ANKS3: variants seen among roughly 807,000 people sequenced by gnomAD.
ANKS3 encodes ankyrin repeat and SAM domain-containing protein 3.
A neutral mutation model predicts 80.7 loss-of-function variants in ANKS3; 62 were observed. That is an observed-to-expected ratio of 0.77 (90% CI 0.63 to 0.95). The LOEUF (loss-of-function observed/expected upper bound fraction) is 0.95, where lower values mean the gene tolerates loss of function less well. Among genes scored for constraint, ANKS3 ranks in the 40% least tolerant of loss-of-function variants. The pLI is 0.00. For missense variants in ANKS3, 1,150 were observed against 883.6 expected, an observed-to-expected ratio of 1.30 and a Z score of -3.82; for synonymous variants, 489 against 355.3, an observed-to-expected ratio of 1.38 and a Z score of -4.23.
rs201518736 is a variant in ANKS3 at position 4,701,065 on chromosome 16, C to G, written c.1189G>C (p.Asp397His). 2 of 1,613,990 alleles carry G rather than the reference C, an allele frequency of 1.2e-6. No individual in the cohort carries two copies. Among genetic ancestry groups the G allele is most frequent in the African/African-American group, 2.7e-5 (2 of 74,934 alleles). ...AKSYMKTKNP[D>H]SQWPPRAATD... Reference sequence around the variant, plus strand: ...GCAGCGCGGGGAGGCCACTGGCTGTCAGGATTCTTGGTCTTCATGTAACTT... The same window carrying G: ...GCAGCGCGGGGAGGCCACTGGCTGTGAGGATTCTTGGTCTTCATGTAACTT... Residue 397 changes from aspartate (D) to histidine (H), a missense_variant, in exon 11 of 18, where the codon GAC becomes CAC. By Grantham distance (81) the Asp-to-His change is moderately conservative. Coordinates refer to ENST00000304283, the MANE Select transcript of ANKS3 (RefSeq NM_133450.4).
At position 4,721,173 on chromosome 16, in the gene ANKS3, C is replaced by T. The variant is rs1422066873; in HGVS notation, c.573+3577G>A. ...ATGAAAAATTAGCTGGGCATGGTGG[C>T]GGGCGCCTGTGGTCCCAGCTACTCG... On this transcript the variant is annotated intron_variant, in intron 6 of 17. Transcript: ENST00000304283. Among the ~76,000 whole-genome samples the T allele has an allele frequency of 8.6e-5, 13 of 150,454 alleles. 1 individual carries two copies. The highest frequency in any genetic ancestry group is 1.6e-4 in the Non-Finnish European group (11 of 67,524).
chr16:4,720,491 G>A (rs2081034661), intron 6 of ANKS3, among the ~76,000 whole-genome samples: 1 of 150,126 alleles, frequency 6.7e-6, no homozygotes, highest in South Asian at 2.1e-4. Context: ...AACACCCTAA[G>A]GGGAGGGGTG....
rs561844242 is a variant in ANKS3, at chr16:4,698,875, G to A, written c.1476C>T (p.Pro492=). The A allele has an allele frequency of 1.9e-5, 31 of 1,601,346 alleles. No individual in the cohort carries two copies. The highest frequency in any genetic ancestry group is 1.5e-4 in the South Asian group (13 of 88,962). ...CGTAGGCCAGCTCCAGGGCATCCCC[G>A]GGTGGGCGGGCACTGCTGTGCCAGC... ...IARWHSSARP[P]GDALELAYAD... Residue 492 remains proline (P), a synonymous_variant, in exon 13 of 18, where the codon CCC becomes CCT. Coordinates refer to ENST00000304283, the MANE Select transcript of ANKS3 (RefSeq NM_133450.4).
intron 14 of ANKS3, 157 bp downstream of exon 14, chr16:4,698,270 G>A: frequency 1.6e-6 from 2 of 1,215,570 alleles, no homozygotes; most frequent in African/African-American, 1.5e-5. Context: ...GGGTCTGCCT[G>A]CAGGAAGGAA....
intron 5 of ANKS3, 97 bp downstream of exon 5, chr16:4,726,562 T>C: frequency 7.5e-7 from 1 of 1,339,446 alleles, no homozygotes; most frequent in Non-Finnish European, 1.0e-6. Context: ...CGAAGCAGGG[T>C]GGCCCTAAAC....
intron 6 of ANKS3, 107 bp from the exon 7 acceptor site, chr16:4,714,293 C>A: frequency 6.8e-7 from 1 of 1,478,806 alleles, no homozygotes; most frequent in Non-Finnish European, 9.2e-7. Context: ...TTCTGACTGC[C>A]TCCCTGTGTG....
Position 4,701,211 on chromosome 16 carries a change from A to G in ANKS3, c.1120-77T>C, listed in dbSNP as rs552056904. The G allele has an allele frequency of 3.1e-6, 5 of 1,596,288 alleles. No homozygotes were observed. The African/African-American group carries it at 4.0e-5, about 13-fold the overall frequency. On this transcript the variant is annotated intron_variant, in intron 10 of 17. Coordinates refer to ENST00000304283, the MANE Select transcript of ANKS3 (RefSeq NM_133450.4). ...TTGGTGAAACCCCCACCCGCCACAC[A>G]GGGGCTTGAGAGGCTTCGTGAAACC...
chr16:4,707,367 C>T (rs1480372104), intron 7 of ANKS3, among the ~76,000 whole-genome samples: 1 of 151,580 alleles, frequency 6.6e-6, no homozygotes, highest in Non-Finnish European at 1.5e-5. Context: ...TTGTAACCTC[C>T]GCCTCCCGGG....
At chr16:4,720,088 G>T (rs538848980) in intron 6 of ANKS3, among the ~76,000 whole-genome samples, 13 of 147,018 alleles carry the variant, frequency 8.8e-5, no homozygotes, top group African/African-American at 3.3e-4. Context: ...CTTGAGCCTG[G>T]GAGTCAGAAG....
At chr16:4,701,782 G>C (rs1417200430) in intron 9 of ANKS3, 23 of 510,438 alleles carry the variant, frequency 4.5e-5, no homozygotes, top group Non-Finnish European at 7.6e-5. Flanking sequence ...GCACACGGTG[G>C]GCACTATGGA....
At chr16:4,706,424 A>G (rs1378757142) in intron 7 of ANKS3, among the ~76,000 whole-genome samples, 1 of 151,954 alleles carries the variant, frequency 6.6e-6, no homozygotes, top group Non-Finnish European at 1.5e-5. Context: ...TTTAGTAGAG[A>G]CGGGGTTTCA....
chr16:4,729,297 G>C (rs2081508658), intron 3 of ANKS3: 1 of 152,232 alleles, frequency 6.6e-6, no homozygotes, highest in Admixed American at 6.5e-5. Flanking sequence ...AAGCTAGAGG[G>C]GAACAGGGAT....
chr16:4,714,778 G>C (rs1335516342), intron 6 of ANKS3, among the ~76,000 whole-genome samples: 1 of 151,962 alleles, frequency 6.6e-6, no homozygotes, highest in Non-Finnish European at 1.5e-5. Flanking sequence ...CAGATCACGA[G>C]GTCAGGAGAT....
chr16:4,723,698 C>T (rs1035060326), intron 6 of ANKS3, among the ~76,000 whole-genome samples: 6 of 152,218 alleles, frequency 3.9e-5, no homozygotes, highest in African/African-American at 1.4e-4. Flanking sequence ...TTATCAATTC[C>T]TCAGTAGATG....
At position 4,705,576 on chromosome 16, in the gene ANKS3, C is replaced by T. The variant is rs759252676; in HGVS notation, c.710-323G>A. ...GCCTCCTGGGTTCTAGCGATTCTCA[C>T]GCCTCACCCTTCCAAGTAGCTGCGG... On this transcript the variant is annotated intron_variant, in intron 7 of 17. Coordinates refer to ENST00000304283, the MANE Select transcript of ANKS3 (RefSeq NM_133450.4). Among the ~76,000 whole-genome samples, 107 of 151,584 alleles carry T rather than the reference C, an allele frequency of 7.1e-4. 2 individuals are homozygous for T. Among genetic ancestry groups the T allele is most frequent in the Non-Finnish European group, 1.6e-4 (11 of 67,860 alleles).
chr16:4,710,368 G>A (rs2080419474), intron 7 of ANKS3, among the ~76,000 whole-genome samples: 1 of 152,134 alleles, frequency 6.6e-6, no homozygotes, highest in African/African-American at 2.4e-5. Flanking sequence ...ATCACACACT[G>A]TACCCCATAA....
In ANKS3 at chr16:4,727,089, G is replaced by C; in HGVS notation, c.259C>G (p.Leu87Val). Residue 87 changes from leucine to valine, a missense_variant, in exon 4 of 18, where the codon CTG (leucine) becomes GTG (valine). Transcript: ENST00000304283. Reference sequence around the variant, plus strand: ...ACACTCACCCCCGCCTCAAGCAGCAGGTGCACGATTGTGTCGTGGCCAATG... The same window carrying C: ...ACACTCACCCCCGCCTCAAGCAGCACGTGCACGATTGTGTCGTGGCCAATG... ...SYIGHDTIVHLLLEAGVSVNV... is the reference protein window; with the variant it reads ...SYIGHDTIVHVLLEAGVSVNV... 6.2e-7 allele frequency: 1 copy of C among 1,614,210 alleles called. No homozygotes were observed. The highest frequency in any genetic ancestry group is 8.5e-7 in the Non-Finnish European group (1 of 1,180,048).
chr16:4,731,700 A>T, intron 1 of ANKS3, 121 bp from the exon 2 acceptor site: 2 of 408,944 alleles, frequency 4.9e-6, no homozygotes, highest in Non-Finnish European at 6.6e-6. Context: ...ACAAACCAGG[A>T]TGTGACTGGT....
At chr16:4,714,464 T>C (rs73504481) in intron 6 of ANKS3, among the ~76,000 whole-genome samples, 3,510 of 152,330 alleles carry the variant, frequency 0.023, 128 homozygotes, top group African/African-American at 0.081. Context: ...GCAGCCACCA[T>C]GCGGAGATCC....
Sources: allele counts gnomAD v4.1 joint callset (sites outside exome capture counted in the v4.1 genomes callset), GRCh38; gene constraint gnomAD v4.1.1; transcripts MANE v1.5; gene names NCBI Gene and HGNC (gene_info 2026-07-23, HGNC 2026-07-21).